WDFY4: variants seen among roughly 807,000 people sequenced by gnomAD.
WDFY4 encodes the protein WD repeat- and FYVE domain-containing protein 4.
WDFY4 carries 169 observed loss-of-function variants against 351.9 expected under a neutral mutation model. That is an observed-to-expected ratio of 0.48 (90% CI 0.42 to 0.55). The LOEUF (loss-of-function observed/expected upper bound fraction) is 0.55, where lower values mean the gene tolerates loss of function less well. Among genes scored for constraint, WDFY4 ranks in the 20% least tolerant of loss-of-function variants. WDFY4 has a pLI of 0.00. For missense variants in WDFY4, 3,803 were observed against 3,935.6 expected (o/e 0.97, Z 0.90); for synonymous variants, 1,622 against 1,574.6 (o/e 1.03, Z -0.71).
rs1252290367 is a variant in WDFY4, at chr10:48,734,026, A to C, written c.1678A>C (p.Arg560=). Residue 560 remains arginine, a synonymous_variant, in exon 10 of 62, where the codon AGG becomes CGG. Transcript: ENST00000325239. The part of the protein sequence containing the change: ...IVVTLLKGSV[R]NAVVLKDHGM... ...AGTCACACTTCTGAAAGGCTCGGTG[A>C]GGAATGCAGGTAAGGATGGTGCCAA... The C allele has an allele frequency of 6.4e-7, 1 of 1,552,082 alleles. No individual in the cohort carries two copies. The highest frequency in any genetic ancestry group is 1.2e-5 in the South Asian group (1 of 84,060).
At chr10:48,900,149 G>A (rs1215704000) in intron 45 of WDFY4, 72 bp from the exon 46 acceptor site, 3 of 1,368,534 alleles carry the variant, frequency 2.2e-6, no homozygotes, top group East Asian at 2.5e-5. Context: ...CCCATTTCCA[G>A]CAGCTGTGTC....
At position 48,943,378 on chromosome 10, in the gene WDFY4, G is replaced by T; in HGVS notation, c.7678G>T (p.Ala2560Ser). ...FEYLMYLNTA[A>S]GRTCNDYMQY... ...GTATCTCATGTACCTCAACACCGCG[G>T]CTGGGAGAACCTGCAATGACTACAT... The change falls in exon 49 of 62, where the codon GCT becomes TCT. Residue 2560 changes from alanine to serine, a missense_variant. Ala to Ser is a moderately conservative substitution (Grantham distance 99, BLOSUM62 1). Around this residue, in one of 3 missense-constraint regions of WDFY4, gnomAD observed 3,054 missense variants for 3,148.6 expected, o/e 0.97. Transcript: ENST00000325239. 6.4e-7 allele frequency: 1 copy of T among 1,551,828 alleles called. No individual in the cohort carries two copies. Among genetic ancestry groups the T allele is most frequent in the Non-Finnish European group, 8.7e-7 (1 of 1,147,014 alleles).
intron 47 of WDFY4, among the ~76,000 whole-genome samples, chr10:48,923,508 A>ATATATATATGTATGTATGTG: frequency 6.8e-6 from 1 of 146,262 alleles, no homozygotes; most frequent in Non-Finnish European, 1.5e-5. Context: ...ATATATATAT[A>ATATATATATGTATGTATGTG]TATATGTCCC....
At chr10:48,929,703 T>G (rs565373944) in intron 47 of WDFY4, among the ~76,000 whole-genome samples, 115 of 152,338 alleles carry the variant, frequency 7.5e-4, no homozygotes, top group Non-Finnish European at 1.2e-3. Context: ...TACTGCCTAC[T>G]TAGCATTTCT....
rs1353152390 is a variant in WDFY4, at chr10:48,811,628, G to A, written c.5134G>A (p.Val1712Ile). 12 of 1,551,744 alleles carry A rather than the reference G, an allele frequency of 7.7e-6. No individual in the cohort carries two copies. The highest frequency in any genetic ancestry group is 3.9e-5 in the Admixed American group (2 of 50,980). Residue 1712 changes from valine to isoleucine, a missense_variant, in exon 30 of 62, where the codon GTC becomes ATC. By Grantham distance (29) the Val-to-Ile change is conservative. This residue lies in a region of WDFY4 where 3,054 missense variants were observed against 3,148.6 expected (regional missense o/e 0.97). Coordinates refer to ENST00000325239, the MANE Select transcript of WDFY4 (RefSeq NM_001394531.1). ...CTTGAATGACTTTCTGGCCCACCAC[G>A]TCCACATTCCAGAGGTCTACCTCAT... ...RVLNDFLAHH[V>I]HIPEVYLIVS...
At position 48,788,654 on chromosome 10, in the gene WDFY4, C is replaced by G; in HGVS notation, c.3933C>G (p.Asp1311Glu). ...ADIRNAYNEV[D>E]SRLIAKEMNI... is the part of the protein sequence containing the mutation. ...TCAGAAATGCTTACAATGAGGTGGA[C>G]AGCCGCCTGATCGCCAAAGAGGTAC... The change falls in exon 21 of 62, where the codon GAC (aspartate) becomes GAG (glutamate). Residue 1311 changes from aspartate (D) to glutamate (E), a missense_variant. By Grantham distance (45) the Asp-to-Glu change is conservative. This residue lies in a region of WDFY4 where 3,054 missense variants were observed against 3,148.6 expected (regional missense o/e 0.97). Transcript: ENST00000325239. 1 of 1,551,698 alleles carries G rather than the reference C, an allele frequency of 6.4e-7. No homozygotes were observed. Among genetic ancestry groups the G allele is most frequent in the Non-Finnish European group, 8.7e-7 (1 of 1,146,964 alleles).
At chr10:48,808,837 G>A (rs896696443) in intron 28 of WDFY4, among the ~76,000 whole-genome samples, 24 of 152,270 alleles carry the variant, frequency 1.6e-4, no homozygotes, top group Non-Finnish European at 2.2e-4. Context: ...TATACCTTCC[G>A]GGTTCGAATC....
intron 47 of WDFY4, chr10:48,909,517 T>C (rs1837816370): frequency 6.6e-6 from 1 of 152,196 alleles, no homozygotes; most frequent in Admixed American, 6.5e-5. Flanking sequence ...GAGTCATGGT[T>C]CTTACAAGCT....
intron 24 of WDFY4, chr10:48,801,549 G>C (rs539063741): frequency 2.1e-4 from 98 of 456,100 alleles, no homozygotes; most frequent in Middle Eastern, 6.8e-4. Flanking sequence ...GTTTTCACTA[G>C]AGCTGCCTTC....
At chr10:48,746,991 T>C (rs901654635) in intron 12 of WDFY4, among the ~76,000 whole-genome samples, 1 of 152,244 alleles carries the variant, frequency 6.6e-6, no homozygotes, top group Non-Finnish European at 1.5e-5. Flanking sequence ...TGCATCTCTA[T>C]CCTTCCATCT....
At chr10:48,965,297 A>G (rs1842027562) in intron 54 of WDFY4, among the ~76,000 whole-genome samples, 1 of 152,154 alleles carries the variant, frequency 6.6e-6, no homozygotes, top group Non-Finnish European at 1.5e-5. Flanking sequence ...TGCTTTCACA[A>G]GTATTTCTAA....
chr10:48,897,720 G>A, intron 45 of WDFY4, 146 bp downstream of exon 45: 4 of 1,318,434 alleles, frequency 3.0e-6, no homozygotes, highest in Non-Finnish European at 2.0e-6. Flanking sequence ...ACACCCGCAA[G>A]TTCCCTGGGC....
intron 1 of WDFY4, among the ~76,000 whole-genome samples, chr10:48,705,144 T>A (rs2063592682): frequency 6.6e-6 from 1 of 152,188 alleles, no homozygotes; most frequent in Admixed American, 6.5e-5. Context: ...GGTGTCTGTT[T>A]AACAGGTTGA....
At chr10:48,814,180 A>G (rs2067544707) in intron 31 of WDFY4, 98 bp downstream of exon 31, 1 of 1,389,426 alleles carries the variant, frequency 7.2e-7, no homozygotes, top group South Asian at 1.6e-5. Flanking sequence ...CTTCCCACTA[A>G]TGCAAGTAAT....
Position 48,974,519 on chromosome 10 carries a change from A to AAAAAAAAAAAAC in WDFY4, c.8929-333_8929-332insACAAAAAAAAAA, listed in dbSNP as rs1352344126. ...CTCCGTCTCAAAAAAAAAAAAAAAA[A>AAAAAAAAAAAAC]AAAAAAAAAACAACTCATGACATGA... On this transcript the variant is annotated intron_variant, in intron 57 of 61. Coordinates refer to ENST00000325239, the MANE Select transcript of WDFY4 (RefSeq NM_001394531.1). 8.0e-5 allele frequency among the ~76,000 whole-genome samples: 4 copies of AAAAAAAAAAAAC among 49,924 alleles called. 1 individual carries two copies. Among genetic ancestry groups the AAAAAAAAAAAAC allele is most frequent in the Non-Finnish European group, 1.4e-4 (4 of 27,748 alleles). The allele number at this position is 49,924 out of a possible 152,430, so 32.8% of individuals were successfully genotyped here.
chr10:48,706,755 C>T (rs1469755349), intron 1 of WDFY4, among the ~76,000 whole-genome samples: 2 of 152,250 alleles, frequency 1.3e-5, no homozygotes, highest in South Asian at 2.1e-4. Flanking sequence ...GTTATTTTAT[C>T]ATGAATATAT....
intron 11 of WDFY4, chr10:48,736,335 T>C: frequency 1.7e-6 from 1 of 602,940 alleles, no homozygotes; most frequent in Non-Finnish European, 3.0e-6. Flanking sequence ...GCATCTAACT[T>C]GGCCAGCAGA....
chr10:48,827,126 C>T (rs562964744), intron 36 of WDFY4, among the ~76,000 whole-genome samples: 5 of 152,256 alleles, frequency 3.3e-5, no homozygotes, highest in Middle Eastern at 3.4e-3. Flanking sequence ...TAATAATTTA[C>T]CCTATTTCCA....
intron 43 of WDFY4, among the ~76,000 whole-genome samples, chr10:48,883,179 A>G (rs2133334431): frequency 6.6e-6 from 1 of 152,322 alleles, no homozygotes; most frequent in East Asian, 1.9e-4. Context: ...TCTCACCAAC[A>G]TGGCATCTCT....
Sources: allele counts gnomAD v4.1 joint callset (sites outside exome capture counted in the v4.1 genomes callset), GRCh38; gene constraint gnomAD v4.1.1; regional missense constraint gnomAD v4.1.1; transcripts MANE v1.5; gene names NCBI Gene and HGNC (gene_info 2026-07-23, HGNC 2026-07-21).